The following ROBO2 variants were observed in gnomAD, a reference collection of about 807,000 sequenced individuals.
ROBO2 encodes the protein roundabout homolog 2.
A neutral mutation model predicts 160.8 loss-of-function variants in ROBO2; 53 were observed. That is an observed-to-expected ratio of 0.33 (90% CI 0.26 to 0.41). ROBO2 has a LOEUF of 0.41. Ranked by LOEUF, ROBO2 falls within the 10% of genes least tolerant of loss-of-function variation. The pLI, the probability that ROBO2 is intolerant of heterozygous loss-of-function variation, is 1.00. For synonymous variants in ROBO2, 664 were observed against 611.7 expected, an observed-to-expected ratio of 1.09 and a Z score of -1.26; for missense variants, 1,577 against 1,722.4, an observed-to-expected ratio of 0.92 and a Z score of 1.49.
chr3:76,332,064 A>G (rs1000728016), intron 2 of ROBO2, among the ~76,000 whole-genome samples: 1 of 152,212 alleles, frequency 6.6e-6, no homozygotes, highest in Admixed American at 6.5e-5. Flanking sequence ...TTGAGATTAT[A>G]TTAATGACTA....
intron 16 of ROBO2, among the ~76,000 whole-genome samples, chr3:77,582,281 T>C (rs1387677646): frequency 1.3e-5 from 2 of 152,118 alleles, no homozygotes; most frequent in Admixed American, 6.6e-5. Flanking sequence ...TTTGTATCTT[T>C]GTAGAGACAG....
intron 2 of ROBO2, among the ~76,000 whole-genome samples, chr3:76,065,673 A>T (rs957937227): frequency 6.6e-6 from 1 of 151,258 alleles, no homozygotes; most frequent in Non-Finnish European, 1.5e-5. Context: ...ATGCATAAAA[A>T]TACAGCCTGA....
At chr3:77,295,649 A>G (rs570843969) in intron 2 of ROBO2, among the ~76,000 whole-genome samples, 1 of 94,996 alleles carries the variant, frequency 1.1e-5, no homozygotes, top group East Asian at 2.4e-4. Flanking sequence ...AGCTGAGGCT[A>G]GATCACCCCA....
chr3:75,920,477 A>G (rs777927231), intron 1 of ROBO2, among the ~76,000 whole-genome samples: 2 of 152,104 alleles, frequency 1.3e-5, no homozygotes, highest in Admixed American at 6.6e-5. Context: ...AATAAGTGCT[A>G]TGTGGTGCTG....
Position 77,467,752 on chromosome 3 carries a change from T to TAA in ROBO2, c.389-9651_389-9650dup, listed in dbSNP as rs202064794. On this transcript the variant is annotated intron_variant, in intron 2 of 25. Transcript: ENST00000461745. ...GTTACCATCTTAAAAAGCACTAATA[T>TAA]AAAAAAAAAAAAGCCAGCCTGTGTA... Among the ~76,000 whole-genome samples the TAA allele has an allele frequency of 3.6e-3, 510 of 142,362 alleles. 2 individuals carry two copies. The highest frequency in any genetic ancestry group is 4.9e-3 in the South Asian group (22 of 4,486). The allele number at this position is 142,362 out of a possible 152,430, so 93.4% of individuals were successfully genotyped here.
At chr3:77,579,837 C>A in intron 15 of ROBO2, 110 bp from the exon 17 acceptor site, 1 of 1,008,218 alleles carries the variant, frequency 9.9e-7, no homozygotes, top group Non-Finnish European at 1.5e-6. Flanking sequence ...CTTCTATAAG[C>A]CTAGAAGATA....
At chr3:77,235,819 G>A (rs2087888773) in intron 2 of ROBO2, among the ~76,000 whole-genome samples, 1 of 152,194 alleles carries the variant, frequency 6.6e-6, no homozygotes, top group Admixed American at 6.5e-5. Context: ...AGAAGGTATA[G>A]AGATTTCCCA....
intron 2 of ROBO2, among the ~76,000 whole-genome samples, chr3:76,414,542 C>T (rs1305049441): frequency 1.4e-5 from 2 of 143,322 alleles, no homozygotes; most frequent in African/African-American, 5.2e-5. Context: ...CGCATATTCT[C>T]ACTCATAGGT....
At chr3:77,215,067 C>G (rs1013987581) in intron 2 of ROBO2, among the ~76,000 whole-genome samples, 4 of 152,092 alleles carry the variant, frequency 2.6e-5, no homozygotes, top group African/African-American at 7.2e-5. Context: ...CTTGGAGTTG[C>G]TCTTCTCAAG....
intron 2 of ROBO2, among the ~76,000 whole-genome samples, chr3:76,800,984 A>G (rs974204366): frequency 6.6e-6 from 1 of 152,216 alleles, no homozygotes; most frequent in African/African-American, 2.4e-5. Context: ...AATAGCCACA[A>G]TTTGGAATTA....
In ROBO2 at chr3:77,647,872, A is replaced by C. The variant is rs142197975; in HGVS notation, c.*1817A>C. 1.8e-4 allele frequency: 27 copies of C among 152,272 alleles called. No individual in the cohort carries two copies. In the East Asian group the frequency reaches 5.0e-3, roughly 28 times the overall value. The allele number at this position is 152,272 out of a possible 1,614,324, so 9.4% of individuals were successfully genotyped here. A position where few individuals can be genotyped will look rare whatever the true frequency, so the allele number is the denominator to read the frequency against. ...ATTGGCTCAGTAGCCAATTTTTGTC[A>C]CGTCGTTATAACAAGGAGATGACAT... On this transcript the variant is annotated 3_prime_UTR_variant, in exon 26 of 26. Coordinates refer to ENST00000461745, the Ensembl canonical transcript of ROBO2.
chr3:75,906,787 G>C (rs1946363254), exon 1 of ROBO2: 2 of 152,328 alleles, frequency 1.3e-5, no homozygotes, highest in Non-Finnish European at 2.9e-5. Context: ...GGAAAGAAAA[G>C]GAAGGACGGC....
chr3:77,310,781 C>T (rs1052236509), intron 2 of ROBO2, among the ~76,000 whole-genome samples: 1 of 150,264 alleles, frequency 6.7e-6, no homozygotes, highest in African/African-American at 2.5e-5. Context: ...TTTACCAATA[C>T]AATATCTATT....
At chr3:76,101,187 G>A (rs527739023) in intron 2 of ROBO2, among the ~76,000 whole-genome samples, 8 of 152,216 alleles carry the variant, frequency 5.3e-5, no homozygotes, top group African/African-American at 1.7e-4. Context: ...GATGTGATGA[G>A]ATTACTTCTC....
chr3:76,791,562 A>G (rs1206849853), intron 2 of ROBO2, among the ~76,000 whole-genome samples: 3 of 151,196 alleles, frequency 2.0e-5, no homozygotes, highest in African/African-American at 7.3e-5. Context: ...ACTGACACCA[A>G]CTAAAGTCTC....
intron 2 of ROBO2, among the ~76,000 whole-genome samples, chr3:77,210,072 C>T (rs1220803614): frequency 6.6e-6 from 1 of 152,106 alleles, no homozygotes; most frequent in African/African-American, 2.4e-5. Context: ...GGTACTAAAG[C>T]TCAAGATTTT....
chr3:76,512,314 A>ATATATATG (rs1399841375), intron 2 of ROBO2, among the ~76,000 whole-genome samples: 1 of 105,356 alleles, frequency 9.5e-6, no homozygotes, highest in Non-Finnish European at 2.2e-5. Flanking sequence ...AAATTTATAT[A>ATATATATG]TATATATGTA....
At chr3:77,260,659 A>C (rs10511056) in intron 2 of ROBO2, among the ~76,000 whole-genome samples, 75,451 of 151,970 alleles carry the variant, frequency 0.5, 19,971 homozygotes, top group Middle Eastern at 0.7. Flanking sequence ...GAGAGTTTAA[A>C]TGACTTATCC....
intron 2 of ROBO2, among the ~76,000 whole-genome samples, chr3:77,110,455 CTT>C (rs2073423474): frequency 6.6e-6 from 1 of 151,804 alleles, no homozygotes; most frequent in Admixed American, 6.6e-5. Context: ...TCAAATTACT[CTT>C]TTTATTTTTT....
Sources: gnomAD v4.1 joint callset for allele counts (sites outside exome capture counted in the v4.1 genomes callset) on GRCh38, gnomAD v4.1.1 for gene constraint, MANE v1.5 for transcripts, NCBI Gene and HGNC (gene_info 2026-07-23, HGNC 2026-07-21) for gene names.